Variants in PCDHA6 observed in about 807,000 individuals in gnomAD.
The protein encoded by PCDHA6 is protocadherin alpha 6, also known as protocadherin alpha-6.
PCDHA6 carries 55 observed loss-of-function variants against 60.3 expected under a neutral mutation model. The ratio of observed to expected loss-of-function variants is 0.91; its 90% confidence interval spans 0.73 to 1.14. PCDHA6 has a LOEUF of 1.14. PCDHA6 is among the 50% of genes most tolerant of loss of function. PCDHA6 has a pLI of 0.00. For missense variants in PCDHA6, 1,327 were observed against 1,256.5 expected (o/e 1.06, Z -0.85); for synonymous variants, 652 against 557.9 (o/e 1.17, Z -2.38).
chr5:140,902,102 G>T (rs1407664200), intron 1 of PCDHA6, among the ~76,000 whole-genome samples: 1 of 151,098 alleles, frequency 6.6e-6, no homozygotes, highest in Non-Finnish European at 1.5e-5. Flanking sequence ...GGAGTCTTTA[G>T]ATTTTTTTAA....
chr5:140,952,948 A>AG (rs1177459807), intron 1 of PCDHA6, among the ~76,000 whole-genome samples: 39 of 152,028 alleles, frequency 2.6e-4, no homozygotes, highest in African/African-American at 8.5e-4. Context: ...GAGAGAGAGA[A>AG]GGGGGAAGTG....
At chr5:140,964,367 T>C (rs1269937571) in intron 1 of PCDHA6, among the ~76,000 whole-genome samples, 1 of 152,178 alleles carries the variant, frequency 6.6e-6, no homozygotes, top group Non-Finnish European at 1.5e-5. Context: ...ACAAGAGTGC[T>C]GAAAGGAGAG....
rs1263474406 is a variant in PCDHA6, at chr5:140,967,341, A to G, written c.2395-11608A>G. ...ACCTACGAGCTCAGCCCCAGCGAGCACTTCGAGCTGGACCTTAAGCCCCTG... is the reference window on the plus strand; with the variant it reads ...ACCTACGAGCTCAGCCCCAGCGAGCGCTTCGAGCTGGACCTTAAGCCCCTG... On this transcript the variant is annotated intron_variant, in intron 1 of 3. Coordinates refer to ENST00000529310, the MANE Select transcript of PCDHA6 (RefSeq NM_018909.4). 3 of 1,607,922 alleles carry G rather than the reference A, an allele frequency of 1.9e-6. No homozygotes were observed. The highest frequency in any genetic ancestry group is 1.3e-5 in the African/African-American group (1 of 74,782).
At chr5:140,924,209 A>T (rs1470255016) in intron 1 of PCDHA6, among the ~76,000 whole-genome samples, 1 of 152,242 alleles carries the variant, frequency 6.6e-6, no homozygotes, top group Non-Finnish European at 1.5e-5. Flanking sequence ...AAATTTGGTG[A>T]AGAATAAGTT....
chr5:141,000,015 G>A (rs960608216), intron 3 of PCDHA6, among the ~76,000 whole-genome samples: 8 of 151,984 alleles, frequency 5.3e-5, no homozygotes, highest in Non-Finnish European at 5.9e-5. Flanking sequence ...CCTCCCCATT[G>A]CTAAGCCTGA....
chr5:140,869,564 T>A, intron 1 of PCDHA6: 2 of 1,614,176 alleles, frequency 1.2e-6, no homozygotes, highest in South Asian at 2.2e-5. Context: ...CGTTTTCCAC[T>A]AGAGGGAGCT....
chr5:140,877,917 TTTC>T, intron 1 of PCDHA6: 2 of 1,427,712 alleles, frequency 1.4e-6, no homozygotes, highest in East Asian at 5.0e-5. Flanking sequence ...TTCTCTCATT[TTTC>T]TTTATGATTC....
rs17844337 is a variant in PCDHA6 at position 140,851,004 on chromosome 5, A to AT, written c.2394+20527dup. The AT allele has an allele frequency of 8.9e-5, 128 of 1,434,992 alleles. 10 individuals are homozygous for AT. Among genetic ancestry groups the AT allele is most frequent in the East Asian group, 7.3e-4 (30 of 41,268 alleles). 88.9% of individuals were successfully genotyped at this position (1,434,992 alleles called of 1,614,324 possible). ...ATTCATTTTTCTAGAAATCCAGCAG[A>AT]TTTTTTTTCTGATAAAGTAAACCCC... On this transcript the variant is annotated intron_variant, in intron 1 of 3. Coordinates refer to ENST00000529310, the MANE Select transcript of PCDHA6 (RefSeq NM_018909.4).
In PCDHA6 at chr5:140,969,339, A is replaced by G. The variant is rs1563390643; in HGVS notation, c.2395-9610A>G. On this transcript the variant is annotated intron_variant, in intron 1 of 3. Transcript: ENST00000529310. ...GCTGTTTCTCAAAATGAGGTGAGAC[A>G]GTGGTCAGGGGGTCTTCTACAAACT... 5 of 1,613,830 alleles carry G rather than the reference A, an allele frequency of 3.1e-6. No homozygotes were observed. The South Asian group carries it at 4.4e-5, about 14-fold the overall frequency.
chr5:140,876,802 G>C, intron 1 of PCDHA6: 2 of 1,614,248 alleles, frequency 1.2e-6, no homozygotes. Context: ...AGTGTCCGTG[G>C]AGGTGGCCGA....
chr5:141,005,814 A>G (rs947359019), intron 3 of PCDHA6, among the ~76,000 whole-genome samples: 1 of 149,766 alleles, frequency 6.7e-6, no homozygotes, highest in Non-Finnish European at 1.5e-5. Context: ...GGAGCCAGGT[A>G]TGGTGGCCTG....
chr5:140,968,758 T>C, intron 1 of PCDHA6: 1 of 1,614,150 alleles, frequency 6.2e-7, no homozygotes, highest in South Asian at 1.1e-5. Flanking sequence ...TGGTCCGAGA[T>C]AATGGAGAGC....
At chr5:140,943,405 A>G (rs1030211474) in intron 1 of PCDHA6, among the ~76,000 whole-genome samples, 2 of 152,164 alleles carry the variant, frequency 1.3e-5, no homozygotes, top group Non-Finnish European at 2.9e-5. Flanking sequence ...ATTTAAATTC[A>G]GACTAGAGGC....
intron 2 of PCDHA6, 130 bp from the exon 3 acceptor site, chr5:140,982,345 A>G: frequency 6.8e-7 from 1 of 1,471,098 alleles, no homozygotes; most frequent in Non-Finnish European, 9.1e-7. Context: ...TAATTGCTTC[A>G]GTTCAAGCAT....
At chr5:140,871,654 A>G in intron 1 of PCDHA6, 3 of 1,238,202 alleles carry the variant, frequency 2.4e-6, no homozygotes, top group East Asian at 2.6e-5. Context: ...CAAATGATAC[A>G]CATCTTCAGT....
At position 140,905,827 on chromosome 5, in the gene PCDHA6, A is replaced by T. The variant is rs140988076; in HGVS notation, c.2395-73122A>T. 2.2e-3 allele frequency among the ~76,000 whole-genome samples: 329 copies of T among 152,298 alleles called. 1 individual carries two copies. The highest frequency in any genetic ancestry group is 7.5e-3 in the African/African-American group (311 of 41,554). The stretch of plus-strand genomic sequence containing the variant: ...CAGAATTAATAGGCTAGATGTGTAT[A>T]TAAAGGGGAGTTTATTAAGGAGTAT... On this transcript the variant is annotated intron_variant, in intron 1 of 3. Coordinates refer to ENST00000529310, the MANE Select transcript of PCDHA6 (RefSeq NM_018909.4).
chr5:140,849,488 T>C, intron 1 of PCDHA6: 2 of 1,592,030 alleles, frequency 1.3e-6, no homozygotes, highest in South Asian at 1.1e-5. Flanking sequence ...CACCCCTGGC[T>C]GGTCATTGTA....
At chr5:140,834,038 C>T (rs1580771063) in intron 1 of PCDHA6, among the ~76,000 whole-genome samples, 1 of 152,160 alleles carries the variant, frequency 6.6e-6, no homozygotes, top group Admixed American at 6.6e-5. Context: ...CCATCAGTCG[C>T]CTAAGAATGC....
At chr5:140,987,268 C>T (rs190952772) in intron 3 of PCDHA6, among the ~76,000 whole-genome samples, 177 of 151,894 alleles carry the variant, frequency 1.2e-3, no homozygotes, top group African/African-American at 4.1e-3. Flanking sequence ...GAATGGGACC[C>T]GGCAGTCTAT....
Sources: gnomAD v4.1 joint callset for allele counts (sites outside exome capture counted in the v4.1 genomes callset) on GRCh38, gnomAD v4.1.1 for gene constraint, MANE v1.5 for transcripts, NCBI Gene and HGNC (gene_info 2026-07-23, HGNC 2026-07-21) for gene names.